PLPPR5: variants seen among roughly 807,000 people sequenced by gnomAD.
PLPPR5 encodes phospholipid phosphatase related 5.
PLPPR5 carries 16 observed loss-of-function variants against 33.9 expected under a neutral mutation model. The ratio of observed to expected loss-of-function variants is 0.47; its 90% CI spans 0.32 to 0.72. The LOEUF (loss-of-function observed/expected upper bound fraction) is 0.72, where lower values mean the gene tolerates loss of function less well. Ranked by LOEUF, PLPPR5 falls within the 30% of genes least tolerant of loss-of-function variation. PLPPR5 has a pLI of 0.03. For synonymous variants in PLPPR5, 163 were observed against 150.3 expected, an observed-to-expected ratio of 1.08 and a Z score of -0.62; for missense variants, 301 against 406.7, an observed-to-expected ratio of 0.74 and a Z score of 2.23.
At chr1:98,945,713 C>T (rs545365761) in intron 3 of PLPPR5, among the ~76,000 whole-genome samples, 32 of 152,132 alleles carry the variant, frequency 2.1e-4, no homozygotes, top group South Asian at 4.1e-4. Context: ...GTAACTAGTA[C>T]GATAGTAGGC....
intron 1 of PLPPR5, among the ~76,000 whole-genome samples, chr1:98,992,554 A>G (rs1258179711): frequency 6.6e-6 from 1 of 152,174 alleles, no homozygotes; most frequent in Non-Finnish European, 1.5e-5. Context: ...GATTTTGGTT[A>G]TATCCACTTG....
intron 1 of PLPPR5, among the ~76,000 whole-genome samples, chr1:99,003,692 A>G (rs957441152): frequency 6.6e-6 from 1 of 152,184 alleles, no homozygotes; most frequent in Non-Finnish European, 1.5e-5. Context: ...TCTCTCACAC[A>G]CACATACACT....
At chr1:98,967,264 G>T (rs1314945929) in intron 1 of PLPPR5, among the ~76,000 whole-genome samples, 1 of 152,050 alleles carries the variant, frequency 6.6e-6, no homozygotes, top group Non-Finnish European at 1.5e-5. Flanking sequence ...GAGATGAACT[G>T]TCCTGAGAAG....
chr1:98,981,257 G>A (rs1652054511), intron 1 of PLPPR5, among the ~76,000 whole-genome samples: 1 of 152,014 alleles, frequency 6.6e-6, no homozygotes, highest in South Asian at 2.1e-4. Flanking sequence ...CTTCAAGCTG[G>A]TAAAGGAATC....
chr1:98,969,744 T>C (rs185612656), intron 1 of PLPPR5, among the ~76,000 whole-genome samples: 6 of 101,988 alleles, frequency 5.9e-5, no homozygotes, highest in Admixed American at 1.8e-4. Context: ...TTCCTTCCTT[T>C]CTTTCTTTTT....
chr1:98,918,577 A>G (rs2101157263), intron 4 of PLPPR5, among the ~76,000 whole-genome samples: 1 of 152,344 alleles, frequency 6.6e-6, no homozygotes, highest in South Asian at 2.1e-4. Flanking sequence ...AACACAGCAC[A>G]TAATTCCTTA....
chr1:98,998,789 A>G (rs1454333912), intron 1 of PLPPR5, among the ~76,000 whole-genome samples: 2 of 152,150 alleles, frequency 1.3e-5, no homozygotes, highest in African/African-American at 4.8e-5. Context: ...AATTTAAATA[A>G]TTAGAGTCTG....
At chr1:98,916,151 C>T (rs1415767822) in intron 4 of PLPPR5, among the ~76,000 whole-genome samples, 1 of 152,162 alleles carries the variant, frequency 6.6e-6, no homozygotes, top group Admixed American at 6.5e-5. Flanking sequence ...ATCTTGGTTG[C>T]TTTCCAGTTT....
At chr1:98,945,067 C>A (rs529256604) in intron 3 of PLPPR5, among the ~76,000 whole-genome samples, 3 of 152,292 alleles carry the variant, frequency 2.0e-5, no homozygotes, top group Non-Finnish European at 2.9e-5. Context: ...TTCTACCCAG[C>A]TATAAGCACT....
At chr1:98,952,192 G>T (rs1650809158) in intron 3 of PLPPR5, among the ~76,000 whole-genome samples, 1 of 151,832 alleles carries the variant, frequency 6.6e-6, no homozygotes, top group Non-Finnish European at 1.5e-5. Context: ...GAACCTGGGA[G>T]GCGGAGCTTG....
At chr1:98,905,499 C>T (rs2101140221) in intron 5 of PLPPR5, among the ~76,000 whole-genome samples, 1 of 152,220 alleles carries the variant, frequency 6.6e-6, no homozygotes, top group South Asian at 2.1e-4. Context: ...GTTAGCAATG[C>T]TAAGAATGAA....
chr1:98,996,050 T>A (rs568628537), intron 1 of PLPPR5, among the ~76,000 whole-genome samples: 1 of 152,142 alleles, frequency 6.6e-6, no homozygotes, highest in Non-Finnish European at 1.5e-5. Context: ...ACAACTTGTT[T>A]AAATGATGAA....
intron 5 of PLPPR5, among the ~76,000 whole-genome samples, chr1:98,894,775 A>AG: frequency 6.6e-6 from 1 of 152,232 alleles, no homozygotes; most frequent in African/African-American, 2.4e-5. Flanking sequence ...GATGATCTTA[A>AG]GAGGACAACC....
intron 5 of PLPPR5, among the ~76,000 whole-genome samples, chr1:98,914,372 T>G (rs111653139): frequency 0.018 from 2,683 of 152,186 alleles, 85 homozygotes; most frequent in African/African-American, 0.061. Context: ...TGCAACCTTT[T>G]CCTCCAGGTT....
chr1:98,991,301 A>G (rs1230872238), intron 1 of PLPPR5: 1 of 151,818 alleles, frequency 6.6e-6, no homozygotes. Context: ...AGATGAATCT[A>G]CTCTAAGGAT....
intron 5 of PLPPR5, among the ~76,000 whole-genome samples, chr1:98,898,231 C>G (rs1050475664): frequency 1.3e-5 from 2 of 152,070 alleles, no homozygotes; most frequent in Non-Finnish European, 2.9e-5. Context: ...GCTTGTGTAA[C>G]CAAATATACA....
chr1:98,916,107 C>A (rs1649338660), intron 4 of PLPPR5, among the ~76,000 whole-genome samples: 1 of 152,138 alleles, frequency 6.6e-6, no homozygotes, highest in South Asian at 2.1e-4. Flanking sequence ...GAGTTCATTA[C>A]TGAATATCTT....
chr1:98,989,250 G>A (rs1454703473), intron 1 of PLPPR5, among the ~76,000 whole-genome samples: 1 of 152,028 alleles, frequency 6.6e-6, no homozygotes, highest in Non-Finnish European at 1.5e-5. Flanking sequence ...TGGTTCATGG[G>A]GACCCTGGCT....
chr1:98,999,739 T>A (rs765283833), intron 1 of PLPPR5, among the ~76,000 whole-genome samples: 14 of 152,336 alleles, frequency 9.2e-5, no homozygotes, highest in Non-Finnish European at 1.6e-4. Context: ...GATGACTTTC[T>A]ATCATCTATC....
Sources: allele counts gnomAD v4.1 joint callset (sites outside exome capture counted in the v4.1 genomes callset), GRCh38; gene constraint gnomAD v4.1.1; transcripts MANE v1.5; gene names NCBI Gene and HGNC (gene_info 2026-07-23, HGNC 2026-07-21).